MSH3: variants seen among roughly 807,000 people sequenced by gnomAD.
MSH3 encodes the protein DNA mismatch repair protein Msh3.
MSH3 carries 106 observed loss-of-function variants against 123.3 expected under a neutral mutation model. That is an observed-to-expected ratio of 0.86 (90% CI 0.73 to 1.01). The LOEUF (loss-of-function observed/expected upper bound fraction) is 1.01, where lower values mean the gene tolerates loss of function less well. Among genes scored for constraint, MSH3 ranks in the 50% least tolerant of loss-of-function variants. MSH3 has a pLI of 0.00. For missense variants in MSH3, 1,459 were observed against 1,347.6 expected (o/e 1.08, Z -1.29); for synonymous variants, 515 against 481.4 (o/e 1.07, Z -0.91).
chr5:80,791,217 G>T (rs1234377491), intron 18 of MSH3, among the ~76,000 whole-genome samples: 1 of 152,064 alleles, frequency 6.6e-6, no homozygotes, highest in African/African-American at 2.4e-5. Flanking sequence ...AGAAATAAAG[G>T]TACTCATTTG....
At chr5:80,750,932 C>T (rs551586792) in intron 12 of MSH3, among the ~76,000 whole-genome samples, 7 of 152,148 alleles carry the variant, frequency 4.6e-5, no homozygotes, top group African/African-American at 9.6e-5. Flanking sequence ...TTAATATCTT[C>T]GGAGAGGTTT....
intron 3 of MSH3, among the ~76,000 whole-genome samples, chr5:80,666,265 A>G (rs534243266): frequency 9.8e-5 from 15 of 152,304 alleles, no homozygotes; most frequent in South Asian, 2.1e-4. Flanking sequence ...AAATGGTTCT[A>G]TATATGTATA....
chr5:80,682,733 A>G (rs778144930), intron 8 of MSH3, among the ~76,000 whole-genome samples: 19 of 152,212 alleles, frequency 1.2e-4, no homozygotes, highest in Non-Finnish European at 2.6e-4. Context: ...AAACAACCCA[A>G]TTATACTCTT....
At chr5:80,838,877 A>AT (rs1181957812) in intron 20 of MSH3, among the ~76,000 whole-genome samples, 1 of 152,134 alleles carries the variant, frequency 6.6e-6, no homozygotes, top group Non-Finnish European at 1.5e-5. Flanking sequence ...ACATTTATAC[A>AT]TTTTTTCACT....
chr5:80,756,832 G>A (rs1743934911), intron 12 of MSH3, among the ~76,000 whole-genome samples: 1 of 152,168 alleles, frequency 6.6e-6, no homozygotes, highest in Non-Finnish European at 1.5e-5. Context: ...AATGGTGTAT[G>A]TGAAAGGTGA....
intron 10 of MSH3, among the ~76,000 whole-genome samples, 175 bp downstream of exon 10, chr5:80,729,140 G>C (rs1009434783): frequency 6.6e-6 from 1 of 152,018 alleles, no homozygotes; most frequent in African/African-American, 2.4e-5. Flanking sequence ...TATTGGCTGG[G>C]CACGGTGGCT....
chr5:80,683,835 C>G (rs1047955217), intron 8 of MSH3, among the ~76,000 whole-genome samples: 23 of 152,140 alleles, frequency 1.5e-4, no homozygotes, highest in African/African-American at 5.5e-4. Context: ...AGATTTAAGT[C>G]TTTAATCCAT....
At chr5:80,760,500 C>T (rs896726476) in intron 12 of MSH3, among the ~76,000 whole-genome samples, 1 of 152,222 alleles carries the variant, frequency 6.6e-6, no homozygotes, top group Non-Finnish European at 1.5e-5. Flanking sequence ...ATTGCTACTC[C>T]CCAATCTTTG....
intron 8 of MSH3, among the ~76,000 whole-genome samples, chr5:80,721,733 C>T (rs1191152408): frequency 6.6e-6 from 1 of 152,064 alleles, no homozygotes; most frequent in African/African-American, 2.4e-5. Flanking sequence ...GACTGAAAAA[C>T]TATGCTTGAA....
chr5:80,714,131 T>A (rs1015310588), intron 8 of MSH3, among the ~76,000 whole-genome samples: 1 of 29,794 alleles, frequency 3.4e-5, no homozygotes, highest in Admixed American at 2.6e-4. Context: ...TCAAATAGAC[T>A]TTTTTTTTTT....
chr5:80,829,127 A>G (rs1280067403), intron 20 of MSH3, among the ~76,000 whole-genome samples: 2 of 152,062 alleles, frequency 1.3e-5, no homozygotes, highest in African/African-American at 4.8e-5. Flanking sequence ...TCACCCAATC[A>G]CCTCTTAAAT....
chr5:80,784,493 A>G (rs2112016152), intron 17 of MSH3, among the ~76,000 whole-genome samples: 1 of 152,256 alleles, frequency 6.6e-6, no homozygotes, highest in Admixed American at 6.5e-5. Flanking sequence ...ATGCAATGTG[A>G]AATAAGCATA....
At chr5:80,830,334 A>G (rs249633) in intron 20 of MSH3, among the ~76,000 whole-genome samples, 30,714 of 152,054 alleles carry the variant, frequency 0.2, 3,441 homozygotes, top group South Asian at 0.36. Context: ...AATCTCTACA[A>G]GTGACTCTGA....
At chr5:80,750,514 A>G (rs1254905083) in intron 12 of MSH3, among the ~76,000 whole-genome samples, 1 of 151,184 alleles carries the variant, frequency 6.6e-6, no homozygotes, top group Non-Finnish European at 1.5e-5. Flanking sequence ...TCTATTGGCC[A>G]TTTGTATATC....
chr5:80,737,628 A>C (rs1373811701), intron 10 of MSH3, among the ~76,000 whole-genome samples: 1 of 152,198 alleles, frequency 6.6e-6, no homozygotes, highest in African/African-American at 2.4e-5. Context: ...GTGATCGGAT[A>C]CTATTGGATA....
intron 12 of MSH3, among the ~76,000 whole-genome samples, chr5:80,753,243 G>A (rs1254496606): frequency 6.6e-6 from 1 of 152,130 alleles, no homozygotes; most frequent in Non-Finnish European, 1.5e-5. Context: ...ACAGAAGACA[G>A]CCATCAGATG....
Position 80,665,364 on chromosome 5 carries a change from G to A in MSH3, c.579+1G>A, listed in dbSNP as rs2112809006. The A allele has an allele frequency of 3.7e-6, 6 of 1,606,376 alleles. No homozygotes were observed. The highest frequency in any genetic ancestry group is 5.1e-6 in the Non-Finnish European group (6 of 1,175,142). On this transcript the variant is annotated splice_donor_variant, in intron 3 of 23. Transcript: ENST00000265081. LOFTEE classifies it high-confidence loss of function. ...TTCGAAACGTCAAATTAATCAAAAG[G>A]TATGTAACTGCTATAGATGAGTATC...
chr5:80,751,426 C>A (rs1409649855), intron 12 of MSH3, among the ~76,000 whole-genome samples: 1 of 152,144 alleles, frequency 6.6e-6, no homozygotes, highest in East Asian at 1.9e-4. Flanking sequence ...GGAAAGGATT[C>A]TCTATGTGAT....
Position 80,654,713 on chromosome 5 carries a change from C to A in MSH3, c.-15C>A. On this transcript the variant is annotated 5_prime_UTR_variant, in exon 1 of 24. Transcript: ENST00000265081. ...TCGCCAGGCCCTGCCGCCGGGCTGC[C>A]ATCCTTGCCCTGCCATGTCTCGCCG... 1.3e-6 allele frequency: 2 copies of A among 1,587,298 alleles called. No individual in the cohort carries two copies. The highest frequency in any genetic ancestry group is 1.1e-5 in the South Asian group (1 of 89,430).
Sources: gnomAD v4.1 joint callset for allele counts (sites outside exome capture counted in the v4.1 genomes callset) on GRCh38, gnomAD v4.1.1 for gene constraint, MANE v1.5 for transcripts, NCBI Gene and HGNC (gene_info 2026-07-23, HGNC 2026-07-21) for gene names.